The following LRRTM4 variants were observed in gnomAD, a reference collection of about 807,000 sequenced individuals.
The protein encoded by LRRTM4 is leucine rich repeat transmembrane neuronal 4.
In LRRTM4, 25 loss-of-function variants were observed where a neutral mutation model predicts 47.6. That is an observed-to-expected ratio of 0.53 (90% CI 0.38 to 0.73). LRRTM4 has a LOEUF of 0.73. Among genes scored for constraint, LRRTM4 ranks in the 30% least tolerant of loss-of-function variants. LRRTM4 has a pLI of 0.00. For missense variants in LRRTM4, 638 were observed against 713.4 expected (o/e 0.89, Z 1.20); for synonymous variants, 311 against 269.5 (o/e 1.15, Z -1.51).
chr2:77,213,407 T>G (rs1364825069), intron 3 of LRRTM4, among the ~76,000 whole-genome samples: 1 of 152,094 alleles, frequency 6.6e-6, no homozygotes, highest in Non-Finnish European at 1.5e-5. Context: ...CTTAGATTCC[T>G]CATCTTATAA....
intron 3 of LRRTM4, among the ~76,000 whole-genome samples, chr2:77,332,697 T>C (rs549870596): frequency 7.2e-5 from 11 of 152,332 alleles, no homozygotes; most frequent in Admixed American, 2.6e-4. Flanking sequence ...ATCTATTACA[T>C]ATTTTTAACA....
In LRRTM4 at chr2:77,093,036, T is replaced by G. The variant is rs553901886; in HGVS notation, c.1552-344120A>C. Reference sequence around the variant, plus strand: ...TTTAAGCTCCTTTATAGACGCTCCTTTTATTAGGCCCCAGTCTCATTCCAG... The same window carrying G: ...TTTAAGCTCCTTTATAGACGCTCCTGTTATTAGGCCCCAGTCTCATTCCAG... On this transcript the variant is annotated intron_variant, in intron 3 of 3. Transcript: ENST00000409884. Among the ~76,000 whole-genome samples the G allele has an allele frequency of 6.1e-5, 9 of 146,418 alleles. 3 individuals are homozygous for G. Among genetic ancestry groups the G allele is most frequent in the African/African-American group, 2.5e-4 (9 of 36,500 alleles).
chr2:77,137,541 C>G (rs990785791), intron 3 of LRRTM4, among the ~76,000 whole-genome samples: 2 of 151,992 alleles, frequency 1.3e-5, no homozygotes. Flanking sequence ...TAAAGACCAT[C>G]AAGGCTAGGA....
At position 76,919,265 on chromosome 2, in the gene LRRTM4, A is replaced by G. The variant is rs76268305; in HGVS notation, c.1552-170349T>C. On this transcript the variant is annotated intron_variant, in intron 3 of 3. Transcript: ENST00000409884. ...TCAGCTCTTAAGACTTCAATTCCCC[A>G]TAGCAAAAACAGATATTTGCCATAA... Among the ~76,000 whole-genome samples, 720 of 152,322 alleles carry G rather than the reference A, an allele frequency of 4.7e-3. 5 individuals carry two copies. Among genetic ancestry groups the G allele is most frequent in the African/African-American group, 0.017 (686 of 41,568 alleles).
chr2:77,223,202 T>C (rs1168164225), intron 3 of LRRTM4, among the ~76,000 whole-genome samples: 1 of 151,936 alleles, frequency 6.6e-6, no homozygotes, highest in Non-Finnish European at 1.5e-5. Context: ...ATTGATGGGG[T>C]GTATCTCAAA....
intron 3 of LRRTM4, among the ~76,000 whole-genome samples, chr2:77,362,117 G>GAAAGAAAGAAAGA: frequency 1.0e-5 from 1 of 97,430 alleles, no homozygotes; most frequent in South Asian, 3.7e-4. Flanking sequence ...AAGAAAGAGA[G>GAAAGAAAGAAAGA]AAAGAAAGAA....
chr2:77,119,395 T>C (rs1438897286), intron 3 of LRRTM4, among the ~76,000 whole-genome samples: 1 of 151,866 alleles, frequency 6.6e-6, no homozygotes, highest in East Asian at 1.9e-4. Context: ...TTCCTCACAT[T>C]GCAGTTTGGG....
intron 3 of LRRTM4, among the ~76,000 whole-genome samples, chr2:77,298,948 G>A (rs1338402833): frequency 1.3e-5 from 2 of 152,010 alleles, no homozygotes; most frequent in Non-Finnish European, 2.9e-5. Context: ...AGCTCTATGA[G>A]AAACACTTAA....
intron 3 of LRRTM4, among the ~76,000 whole-genome samples, chr2:77,218,788 C>T (rs569011033): frequency 1.3e-5 from 2 of 152,058 alleles, no homozygotes; most frequent in Admixed American, 1.3e-4. Flanking sequence ...TTTGCAGCTC[C>T]ATTTGTGCAA....
chr2:77,168,060 T>C (rs928435681), intron 3 of LRRTM4, among the ~76,000 whole-genome samples: 1 of 152,148 alleles, frequency 6.6e-6, no homozygotes, highest in African/African-American at 2.4e-5. Context: ...TTATTAGTTT[T>C]TGCAATACCC....
intron 3 of LRRTM4, among the ~76,000 whole-genome samples, chr2:76,803,767 T>G (rs1675822639): frequency 6.6e-6 from 1 of 152,186 alleles, no homozygotes; most frequent in Non-Finnish European, 1.5e-5. Flanking sequence ...TTGGATATTG[T>G]GAAGGTTTCC....
intron 3 of LRRTM4, among the ~76,000 whole-genome samples, chr2:77,087,448 C>A (rs960751579): frequency 6.6e-6 from 1 of 152,200 alleles, no homozygotes; most frequent in Non-Finnish European, 1.5e-5. Context: ...TTAATAAATT[C>A]ATTTTAAAAT....
At chr2:77,467,662 G>C (rs1677031083) in intron 3 of LRRTM4, among the ~76,000 whole-genome samples, 1 of 152,142 alleles carries the variant, frequency 6.6e-6, no homozygotes. Context: ...ATTAGTTAGA[G>C]TGAGATTGAG....
chr2:77,264,904 C>G (rs917124235), intron 3 of LRRTM4, among the ~76,000 whole-genome samples: 3 of 152,058 alleles, frequency 2.0e-5, no homozygotes, highest in Non-Finnish European at 4.4e-5. Flanking sequence ...CTGAACTCTT[C>G]AGAATAAATC....
rs143628694 is a variant in LRRTM4, at chr2:77,435,573, T to C, written c.1551+82745A>G. 6.8e-3 allele frequency among the ~76,000 whole-genome samples: 1,037 copies of C among 152,290 alleles called. 11 individuals carry two copies. The highest frequency in any genetic ancestry group is 0.024 in the African/African-American group (986 of 41,544). ...AAAGGTCATGCAAAGTCATACCGAATGGGCCAGTGGTGACCAAGAACCCAG... is the reference window on the plus strand; with the variant it reads ...AAAGGTCATGCAAAGTCATACCGAACGGGCCAGTGGTGACCAAGAACCCAG... On this transcript the variant is annotated intron_variant, in intron 3 of 3. Transcript: ENST00000409884.
At chr2:77,468,733 C>T (rs1250355804) in intron 3 of LRRTM4, among the ~76,000 whole-genome samples, 1 of 152,112 alleles carries the variant, frequency 6.6e-6, no homozygotes, top group African/African-American at 2.4e-5. Flanking sequence ...TACCCTGGCT[C>T]TCTCCCTGCT....
intron 3 of LRRTM4, among the ~76,000 whole-genome samples, chr2:77,014,151 A>G (rs1446698): frequency 0.56 from 84,462 of 151,754 alleles, 25,869 homozygotes; most frequent in African/African-American, 0.82. Context: ...TGGATTAGCA[A>G]GGCTGAGTAG....
At chr2:77,164,753 C>T (rs187346420) in intron 3 of LRRTM4, among the ~76,000 whole-genome samples, 1 of 152,280 alleles carries the variant, frequency 6.6e-6, no homozygotes, top group East Asian at 1.9e-4. Context: ...TAAAGATGTT[C>T]TTTGAAACCA....
At chr2:76,962,079 C>T (rs374341943) in intron 3 of LRRTM4, among the ~76,000 whole-genome samples, 2 of 151,174 alleles carry the variant, frequency 1.3e-5, no homozygotes, top group East Asian at 3.9e-4. Context: ...CTTATAGAGT[C>T]TCTACTGTAA....
Sources: allele counts gnomAD v4.1 joint callset (sites outside exome capture counted in the v4.1 genomes callset), GRCh38; gene constraint gnomAD v4.1.1; transcripts MANE v1.5; gene names NCBI Gene and HGNC (gene_info 2026-07-23, HGNC 2026-07-21).